DLG2: variants seen among roughly 807,000 people sequenced by gnomAD.
The protein encoded by DLG2 is discs large MAGUK scaffold protein 2.
DLG2 carries 45 observed loss-of-function variants against 132.5 expected under a neutral mutation model. The observed-to-expected ratio is 0.34, with a 90% CI of 0.27 to 0.44. The LOEUF is 0.44. DLG2 is among the 20% of genes least tolerant of loss of function. The pLI, the probability that DLG2 is intolerant of heterozygous loss-of-function variation, is 1.00. For missense variants in DLG2, 1,045 were observed against 1,196.9 expected (o/e 0.87, Z 1.87); for synonymous variants, 424 against 419.6 (o/e 1.01, Z -0.13).
chr11:84,153,430 C>G (rs373402055), intron 9 of DLG2, among the ~76,000 whole-genome samples: 5 of 152,270 alleles, frequency 3.3e-5, no homozygotes, highest in East Asian at 3.9e-4. Context: ...TCCTCAAATA[C>G]ATTTTCCAAG....
intron 6 of DLG2, among the ~76,000 whole-genome samples, chr11:84,546,025 G>A (rs1051509916): frequency 6.6e-6 from 1 of 152,030 alleles, no homozygotes; most frequent in Non-Finnish European, 1.5e-5. Flanking sequence ...CGAAGTGCTG[G>A]GATTGTGAGA....
chr11:84,256,011 T>G (rs886939742), intron 7 of DLG2, among the ~76,000 whole-genome samples: 1 of 152,156 alleles, frequency 6.6e-6, no homozygotes, highest in African/African-American at 2.4e-5. Flanking sequence ...TGATATAATT[T>G]AAATGATAGA....
intron 9 of DLG2, among the ~76,000 whole-genome samples, chr11:84,101,224 G>C (rs2092492440): frequency 6.6e-6 from 1 of 152,094 alleles, no homozygotes; most frequent in Non-Finnish European, 1.5e-5. Context: ...GTGACATAGA[G>C]AAGAACATTT....
At chr11:84,562,504 G>C (rs961421202) in intron 6 of DLG2, among the ~76,000 whole-genome samples, 1 of 151,992 alleles carries the variant, frequency 6.6e-6, no homozygotes, top group Non-Finnish European at 1.5e-5. Flanking sequence ...TAGTTAGCTT[G>C]AAAATTATAC....
chr11:85,572,318 T>G (rs1257980993), intron 3 of DLG2, among the ~76,000 whole-genome samples: 1 of 152,142 alleles, frequency 6.6e-6, no homozygotes, highest in Non-Finnish European at 1.5e-5. Context: ...TGAACACTGT[T>G]GTTGCAAGGC....
chr11:84,166,872 AT>A, intron 8 of DLG2: 1 of 530,118 alleles, frequency 1.9e-6, no homozygotes, highest in East Asian at 5.5e-5. Flanking sequence ...TCGACATATG[AT>A]TTTCAATTCC....
At chr11:84,297,573 A>G (rs1347668209) in intron 7 of DLG2, among the ~76,000 whole-genome samples, 1 of 152,134 alleles carries the variant, frequency 6.6e-6, no homozygotes, top group Non-Finnish European at 1.5e-5. Flanking sequence ...TCTCTCGGTT[A>G]CAAGTACTGC....
At chr11:84,474,727 A>G (rs1325243163) in intron 7 of DLG2, among the ~76,000 whole-genome samples, 1 of 151,982 alleles carries the variant, frequency 6.6e-6, no homozygotes, top group Non-Finnish European at 1.5e-5. Context: ...TAGCACTATT[A>G]TTTTACAACT....
rs202125284 is a variant in DLG2 at position 85,400,023 on chromosome 11, T to A, written c.41-114658A>T. Among the ~76,000 whole-genome samples the A allele has an allele frequency of 7.2e-4, 109 of 151,882 alleles. No homozygotes were observed. In the East Asian group the frequency reaches 8.1e-3, roughly 11 times the overall value. On this transcript the variant is annotated intron_variant, in intron 3 of 27. Coordinates refer to ENST00000376104, the MANE Select transcript of DLG2 (RefSeq NM_001142699.3). Reference sequence around the variant, plus strand: ...TACAAAATGGGAGAAAATTTTCACATCCTACTCATCTGACAAAGGGCTAAT... The same window carrying A: ...TACAAAATGGGAGAAAATTTTCACAACCTACTCATCTGACAAAGGGCTAAT...
At chr11:85,109,190 C>T (rs569314523) in intron 6 of DLG2, among the ~76,000 whole-genome samples, 36 of 152,086 alleles carry the variant, frequency 2.4e-4, no homozygotes, top group Non-Finnish European at 5.0e-4. Flanking sequence ...TGGGGGTTCT[C>T]TGCAGAGAAA....
At chr11:84,529,657 A>G (rs1309285165) in intron 7 of DLG2, among the ~76,000 whole-genome samples, 1 of 152,234 alleles carries the variant, frequency 6.6e-6, no homozygotes, top group Non-Finnish European at 1.5e-5. Context: ...ATTCAAACAA[A>G]TTGAAAACAT....
chr11:84,308,095 T>C (rs935177891), intron 7 of DLG2, among the ~76,000 whole-genome samples: 7 of 152,204 alleles, frequency 4.6e-5, no homozygotes, highest in Non-Finnish European at 8.8e-5. Flanking sequence ...TTGCCACTGC[T>C]GGCTCTGGGA....
At chr11:84,378,738 G>T (rs1238777309) in intron 7 of DLG2, among the ~76,000 whole-genome samples, 1 of 151,210 alleles carries the variant, frequency 6.6e-6, no homozygotes, top group Non-Finnish European at 1.5e-5. Context: ...AGTCCATCCT[G>T]CCCAACATGG....
At chr11:83,725,915 T>C (rs577912083) in intron 18 of DLG2, among the ~76,000 whole-genome samples, 24 of 152,184 alleles carry the variant, frequency 1.6e-4, no homozygotes, top group Non-Finnish European at 2.6e-4. Flanking sequence ...CCCAGCACGG[T>C]CTACTGCTAC....
intron 6 of DLG2, among the ~76,000 whole-genome samples, chr11:84,728,243 T>C (rs1424960114): frequency 6.6e-6 from 1 of 152,202 alleles, no homozygotes; most frequent in Non-Finnish European, 1.5e-5. Flanking sequence ...AAATACCTCT[T>C]ATTATTTTGA....
At chr11:84,058,558 A>C (rs1594302794) in intron 11 of DLG2, among the ~76,000 whole-genome samples, 1 of 147,880 alleles carries the variant, frequency 6.8e-6, no homozygotes, top group African/African-American at 2.5e-5. Context: ...GCACTAGTGC[A>C]TGCCTGTAGT....
intron 3 of DLG2, among the ~76,000 whole-genome samples, chr11:85,429,203 G>A (rs968282845): frequency 2.0e-5 from 3 of 152,128 alleles, no homozygotes; most frequent in Non-Finnish European, 4.4e-5. Flanking sequence ...AGAGGTACAA[G>A]GAGGAGCTGG....
At chr11:83,949,707 A>G (rs2084921843) in intron 14 of DLG2, among the ~76,000 whole-genome samples, 1 of 152,170 alleles carries the variant, frequency 6.6e-6, no homozygotes, top group African/African-American at 2.4e-5. Flanking sequence ...ATCCTGCATA[A>G]CTGAAACTTT....
chr11:85,156,727 G>A (rs1028864636), intron 4 of DLG2, among the ~76,000 whole-genome samples: 3 of 152,090 alleles, frequency 2.0e-5, no homozygotes, highest in South Asian at 2.1e-4. Context: ...TACTGAACAC[G>A]GCGGCACATC....
Sources: gnomAD v4.1 joint callset for allele counts (sites outside exome capture counted in the v4.1 genomes callset) on GRCh38, gnomAD v4.1.1 for gene constraint, MANE v1.5 for transcripts, NCBI Gene and HGNC (gene_info 2026-07-23, HGNC 2026-07-21) for gene names.